The following ZNRF3 variants were observed in gnomAD, a reference collection of about 807,000 sequenced individuals.
The protein encoded by ZNRF3 is E3 ubiquitin-protein ligase ZNRF3.
ZNRF3 carries 23 observed loss-of-function variants against 72.5 expected under a neutral mutation model. The observed-to-expected ratio is 0.32, with a 90% CI of 0.23 to 0.45. The LOEUF is 0.45. Among genes scored for constraint, ZNRF3 ranks in the 20% least tolerant of loss-of-function variants. ZNRF3 has a pLI of 1.00. For synonymous variants in ZNRF3, 610 were observed against 545.3 expected, an observed-to-expected ratio of 1.12 and a Z score of -1.65; for missense variants, 1,169 against 1,272.1, an observed-to-expected ratio of 0.92 and a Z score of 1.23.
At chr22:28,999,429 TTG>T (rs1384980450) in intron 2 of ZNRF3, among the ~76,000 whole-genome samples, 1 of 152,156 alleles carries the variant, frequency 6.6e-6, no homozygotes, top group Non-Finnish European at 1.5e-5. Context: ...TGAGCTATGA[TTG>T]TGCCACTGTA....
chr22:28,943,512 G>A (rs2034988294), intron 1 of ZNRF3, among the ~76,000 whole-genome samples: 1 of 152,104 alleles, frequency 6.6e-6, no homozygotes, highest in African/African-American at 2.4e-5. Flanking sequence ...GTTTGGAGAG[G>A]GTGCATGTGT....
chr22:28,954,274 G>A (rs188573359), intron 1 of ZNRF3, among the ~76,000 whole-genome samples: 6 of 152,304 alleles, frequency 3.9e-5, no homozygotes, highest in Admixed American at 2.6e-4. Flanking sequence ...TCGGGTTCTG[G>A]TGAGGGCCCT....
At chr22:28,950,685 A>G (rs1016989109) in intron 1 of ZNRF3, among the ~76,000 whole-genome samples, 2 of 152,132 alleles carry the variant, frequency 1.3e-5, no homozygotes, top group East Asian at 1.9e-4. Flanking sequence ...TACTCCTTAT[A>G]CTTAGAACGC....
At position 28,909,651 on chromosome 22, in the gene ZNRF3, G is replaced by A. The variant is rs371912541; in HGVS notation, c.300+25585G>A. On this transcript the variant is annotated intron_variant, in intron 1 of 8. Coordinates refer to ENST00000544604, the MANE Select transcript of ZNRF3 (RefSeq NM_001206998.2). The stretch of plus-strand genomic sequence containing the variant: ...GCTGGAGTGCGGGGGCGTGATCTCA[G>A]CTCACTGAAGCCTCCACCACCCAGG... Among the ~76,000 whole-genome samples, 122 of 152,008 alleles carry A rather than the reference G, an allele frequency of 8.0e-4. 5 individuals carry two copies. In the South Asian group the frequency reaches 0.017, roughly 22 times the overall value.
At chr22:29,024,542 C>A (rs2036593016) in intron 2 of ZNRF3, among the ~76,000 whole-genome samples, 1 of 151,952 alleles carries the variant, frequency 6.6e-6, no homozygotes, top group Admixed American at 6.6e-5. Context: ...TTCTTGCAGT[C>A]CTGTGATATT....
intron 1 of ZNRF3, among the ~76,000 whole-genome samples, chr22:28,941,599 T>C (rs1328411378): frequency 6.6e-6 from 1 of 152,152 alleles, no homozygotes; most frequent in Non-Finnish European, 1.5e-5. Context: ...CAAAATGTGG[T>C]GAAGACAGAC....
chr22:29,028,430 G>A (rs1199633862), intron 2 of ZNRF3, among the ~76,000 whole-genome samples: 1 of 152,286 alleles, frequency 6.6e-6, no homozygotes, highest in East Asian at 1.9e-4. Flanking sequence ...GAGACCAAGT[G>A]GGTTAGGATA....
At chr22:28,921,416 C>T (rs2034510250) in intron 1 of ZNRF3, among the ~76,000 whole-genome samples, 1 of 152,192 alleles carries the variant, frequency 6.6e-6, no homozygotes, top group Non-Finnish European at 1.5e-5. Flanking sequence ...TTTTGGCATC[C>T]AACCACAGAG....
intron 2 of ZNRF3, among the ~76,000 whole-genome samples, chr22:29,007,377 C>T (rs2036271296): frequency 6.6e-6 from 1 of 152,220 alleles, no homozygotes; most frequent in African/African-American, 2.4e-5. Context: ...TGGCTCATAC[C>T]TGTAATCCCA....
intron 1 of ZNRF3, among the ~76,000 whole-genome samples, chr22:28,924,257 A>T (rs1464385430): frequency 2.0e-5 from 3 of 152,212 alleles, no homozygotes; most frequent in Non-Finnish European, 2.9e-5. Flanking sequence ...GCTGCAAGTG[A>T]CTAGAATTTT....
chr22:28,895,038 T>G (rs2033964609), intron 1 of ZNRF3, among the ~76,000 whole-genome samples: 1 of 152,158 alleles, frequency 6.6e-6, no homozygotes. Context: ...CATTTACAGA[T>G]GCCTGGCCCT....
At chr22:29,031,964 A>G (rs2036768720) in intron 2 of ZNRF3, among the ~76,000 whole-genome samples, 2 of 152,214 alleles carry the variant, frequency 1.3e-5, no homozygotes, top group South Asian at 4.1e-4. Flanking sequence ...ACCCCAAATT[A>G]GGGCACCATT....
chr22:28,883,858 T>TGCCGCCGCC lies in ZNRF3; in HGVS notation c.101_109dup (p.Pro34_Pro36dup), dbSNP rs958418836. 2.0e-6 allele frequency: 2 copies of TGCCGCCGCC among 993,218 alleles called. No homozygotes were observed. Among genetic ancestry groups the TGCCGCCGCC allele is most frequent in the Non-Finnish European group, 2.4e-6 (2 of 839,848 alleles). The allele number at this position is 993,218 out of a possible 1,614,324, so 61.5% of individuals were successfully genotyped here. A position where few individuals can be genotyped will look rare whatever the true frequency, so the allele number is the denominator to read the frequency against. On this transcript the variant is annotated inframe_insertion, in exon 1 of 9. Transcript: ENST00000544604. This position sits in a 1 kb window ranked among gnomAD's most constrained non-coding sequence, Gnocchi z 5.5. Reference sequence around the variant, plus strand: ...CCCCGCGGCCTCCGGTGCAGCCGCCTGCCGCCGCCGCCGCCGCTGCCGCTG... The same window carrying TGCCGCCGCC: ...CCCCGCGGCCTCCGGTGCAGCCGCCTGCCGCCGCCGCCGCCGCCGCCGCCGCTGCCGCTG...
chr22:29,009,538 G>A (rs770449033), intron 2 of ZNRF3, among the ~76,000 whole-genome samples: 2 of 152,138 alleles, frequency 1.3e-5, no homozygotes, highest in African/African-American at 2.4e-5. Flanking sequence ...TGCCATTCTG[G>A]TCATTTCCAT....
intron 1 of ZNRF3, among the ~76,000 whole-genome samples, chr22:28,979,769 G>A (rs144914428): frequency 6.8e-4 from 104 of 152,344 alleles, no homozygotes; most frequent in African/African-American, 2.5e-3. Context: ...CCTGTTGGGT[G>A]CAAAGCTCTG....
chr22:29,053,921 T>A lies in ZNRF3; in HGVS notation c.*299T>A, dbSNP rs1230543315. Reference sequence around the variant, plus strand: ...GAGGTGTGGGATTGAGTTCTCTGCTTTGTTTTTTTTTAAGATATTGTATGT... The same window carrying A: ...GAGGTGTGGGATTGAGTTCTCTGCTATGTTTTTTTTTAAGATATTGTATGT... On this transcript the variant is annotated 3_prime_UTR_variant, in exon 9 of 9. Coordinates refer to ENST00000544604, the MANE Select transcript of ZNRF3 (RefSeq NM_001206998.2). 1 of 240,602 alleles carries A rather than the reference T, an allele frequency of 4.2e-6. No homozygotes were observed. Among genetic ancestry groups the A allele is most frequent in the Non-Finnish European group, 7.9e-6 (1 of 126,134 alleles). 14.9% of individuals were successfully genotyped at this position (240,602 alleles called of 1,614,324 possible). A position where few individuals can be genotyped will look rare whatever the true frequency, so the allele number is the denominator to read the frequency against.
chr22:28,946,788 G>A (rs2035060513), intron 1 of ZNRF3, among the ~76,000 whole-genome samples: 1 of 152,182 alleles, frequency 6.6e-6, no homozygotes, highest in African/African-American at 2.4e-5. Flanking sequence ...GCAGTAGCTG[G>A]TGATGGCTGT....
At chr22:28,892,110 T>C (rs1359557459) in intron 1 of ZNRF3, among the ~76,000 whole-genome samples, 2 of 152,238 alleles carry the variant, frequency 1.3e-5, no homozygotes, top group African/African-American at 4.8e-5. Flanking sequence ...TTTGTGACCT[T>C]TCTTACTTTG....
chr22:28,989,472 G>T (rs959037571), intron 2 of ZNRF3, among the ~76,000 whole-genome samples: 2 of 152,032 alleles, frequency 1.3e-5, no homozygotes, highest in African/African-American at 4.8e-5. Flanking sequence ...TGAGCCCCCC[G>T]GGGGCTGGTA....
Sources: allele counts gnomAD v4.1 joint callset (sites outside exome capture counted in the v4.1 genomes callset), GRCh38; gene constraint gnomAD v4.1.1; non-coding constraint Gnocchi (gnomAD v3.1); transcripts MANE v1.5; gene names NCBI Gene and HGNC (gene_info 2026-07-23, HGNC 2026-07-21).